The following VTI1A variants were observed in gnomAD, a reference collection of about 807,000 sequenced individuals.
The protein encoded by VTI1A is vesicle transport through interaction with t-SNAREs 1A.
VTI1A carries 22 observed loss-of-function variants against 34.9 expected under a neutral mutation model. That is an observed-to-expected ratio of 0.63 (90% CI 0.45 to 0.90). The LOEUF (loss-of-function observed/expected upper bound fraction) is 0.90, where lower values mean the gene tolerates loss of function less well. Ranked by LOEUF, VTI1A falls within the 40% of genes least tolerant of loss-of-function variation. The pLI, the probability that VTI1A is intolerant of heterozygous loss-of-function variation, is 0.00. For synonymous variants in VTI1A, 87 were observed against 97.3 expected (o/e 0.89, Z 0.62); for missense variants, 268 against 275.6 (o/e 0.97, Z 0.20).
rs1853492682 is a variant in VTI1A at position 112,815,510 on chromosome 10, T to G, written c.*127T>G. 5 of 755,456 alleles carry G rather than the reference T, an allele frequency of 6.6e-6. No individual in the cohort carries two copies. The highest frequency in any genetic ancestry group is 1.7e-5 in the African/African-American group (1 of 58,024). 46.8% of individuals were successfully genotyped at this position (755,456 alleles called of 1,614,324 possible). ...GACCCTCTCTCTCCCTCACCGCCGT[T>G]GGGCTGAAGTGCAAAGAGTGTAAAA... On this transcript the variant is annotated 3_prime_UTR_variant, in exon 8 of 8. Transcript: ENST00000393077.
chr10:112,788,696 T>A (rs1344744729), intron 7 of VTI1A, among the ~76,000 whole-genome samples: 4 of 152,344 alleles, frequency 2.6e-5, no homozygotes, highest in Admixed American at 1.3e-4. Flanking sequence ...AATTTATGTC[T>A]GCCATTTTGC....
chr10:112,536,870 G>A (rs1185740949), intron 4 of VTI1A, among the ~76,000 whole-genome samples: 1 of 151,828 alleles, frequency 6.6e-6, no homozygotes, highest in Non-Finnish European at 1.5e-5. Context: ...ATCACGTTGT[G>A]AATGGTAATG....
At chr10:112,479,831 A>C (rs1473597470) in intron 3 of VTI1A, among the ~76,000 whole-genome samples, 2 of 152,156 alleles carry the variant, frequency 1.3e-5, no homozygotes, top group African/African-American at 2.4e-5. Flanking sequence ...AACCTCAGCT[A>C]TCTGGACCTT....
chr10:112,808,242 C>T (rs541256389), intron 7 of VTI1A, among the ~76,000 whole-genome samples: 1 of 151,540 alleles, frequency 6.6e-6, no homozygotes, highest in African/African-American at 2.4e-5. Context: ...TAAAAAGGAC[C>T]CTATTTCCAA....
At chr10:112,466,046 A>G (rs1006323007) in intron 3 of VTI1A, among the ~76,000 whole-genome samples, 3 of 152,216 alleles carry the variant, frequency 2.0e-5, no homozygotes, top group African/African-American at 7.2e-5. Flanking sequence ...TTAAAAAATA[A>G]AAAGATACAG....
chr10:112,637,893 A>G (rs1846420249), intron 5 of VTI1A, among the ~76,000 whole-genome samples: 1 of 152,242 alleles, frequency 6.6e-6, no homozygotes, highest in Admixed American at 6.5e-5. Context: ...ATTGTCTTGT[A>G]TACAGTTGCT....
intron 5 of VTI1A, among the ~76,000 whole-genome samples, chr10:112,545,268 CTT>C (rs1231512341): frequency 6.6e-6 from 1 of 152,200 alleles, no homozygotes; most frequent in African/African-American, 2.4e-5. Context: ...CAAATGGAGA[CTT>C]ATTAATCTTT....
At chr10:112,502,134 C>A (rs1485638217) in intron 3 of VTI1A, among the ~76,000 whole-genome samples, 2 of 150,436 alleles carry the variant, frequency 1.3e-5, no homozygotes, top group African/African-American at 4.9e-5. Context: ...CTCAAGCAAT[C>A]CTCCCACCTC....
At chr10:112,688,309 A>C (rs1366736730) in intron 7 of VTI1A, among the ~76,000 whole-genome samples, 1 of 151,746 alleles carries the variant, frequency 6.6e-6, no homozygotes, top group Non-Finnish European at 1.5e-5. Context: ...GCAAAAGAAA[A>C]CTTTTTTTTA....
At chr10:112,674,863 G>A (rs1019086532) in intron 7 of VTI1A, among the ~76,000 whole-genome samples, 1 of 152,142 alleles carries the variant, frequency 6.6e-6, no homozygotes, top group Non-Finnish European at 1.5e-5. Context: ...TTGTGAATCA[G>A]AACCAGTTTT....
At chr10:112,585,524 G>A (rs572387000) in intron 5 of VTI1A, among the ~76,000 whole-genome samples, 14 of 152,244 alleles carry the variant, frequency 9.2e-5, no homozygotes, top group Admixed American at 8.5e-4. Context: ...TGCCAAGCTT[G>A]AATATTCTTA....
At chr10:112,617,418 G>T (rs1845547641) in intron 5 of VTI1A, among the ~76,000 whole-genome samples, 1 of 152,006 alleles carries the variant, frequency 6.6e-6, no homozygotes, top group Non-Finnish European at 1.5e-5. Flanking sequence ...ACTCCAGAAG[G>T]AAGATAGAAG....
intron 7 of VTI1A, among the ~76,000 whole-genome samples, chr10:112,732,680 A>G (rs1232790789): frequency 1.3e-5 from 2 of 152,080 alleles, no homozygotes; most frequent in Non-Finnish European, 2.9e-5. Flanking sequence ...GGCCTTTCAC[A>G]CTGTGTGTGG....
At position 112,559,963 on chromosome 10, in the gene VTI1A, A is replaced by G. The variant is rs140884874; in HGVS notation, c.427+21633A>G. 4.6e-4 allele frequency among the ~76,000 whole-genome samples: 70 copies of G among 152,314 alleles called. No homozygotes were observed. The East Asian group carries it at 0.012, about 26-fold the overall frequency. On this transcript the variant is annotated intron_variant, in intron 5 of 7. Transcript: ENST00000393077. Reference sequence around the variant, plus strand: ...CACACACGTGTGTGGGGATGTACCCATGGTTACCTAAAAACATGCATCCTG... The same window carrying G: ...CACACACGTGTGTGGGGATGTACCCGTGGTTACCTAAAAACATGCATCCTG...
At chr10:112,579,626 CA>C (rs1306360662) in intron 5 of VTI1A, among the ~76,000 whole-genome samples, 1 of 152,162 alleles carries the variant, frequency 6.6e-6, no homozygotes, top group Non-Finnish European at 1.5e-5. Context: ...AGTGTCAGTT[CA>C]TGTTCCACTT....
At chr10:112,644,233 C>A (rs902190974) in intron 5 of VTI1A, among the ~76,000 whole-genome samples, 1 of 152,040 alleles carries the variant, frequency 6.6e-6, no homozygotes, top group African/African-American at 2.4e-5. Context: ...GTGATAGTTT[C>A]CCCACACAGA....
intron 5 of VTI1A, among the ~76,000 whole-genome samples, chr10:112,601,040 AATC>A (rs1301223150): frequency 1.3e-5 from 2 of 152,184 alleles, no homozygotes; most frequent in Non-Finnish European, 2.9e-5. Context: ...TGACATCTGT[AATC>A]ATGTTGCAAG....
chr10:112,765,384 A>G (rs1165749711), intron 7 of VTI1A, among the ~76,000 whole-genome samples: 1 of 151,878 alleles, frequency 6.6e-6, no homozygotes, highest in Non-Finnish European at 1.5e-5. Flanking sequence ...TAATTTTTGT[A>G]TTTTTGGTAG....
chr10:112,535,316 T>G (rs1189665118), intron 4 of VTI1A, among the ~76,000 whole-genome samples: 1 of 152,194 alleles, frequency 6.6e-6, no homozygotes, highest in Non-Finnish European at 1.5e-5. Context: ...TAGATTACAG[T>G]GATGATGCTG....
Sources: gnomAD v4.1 joint callset for allele counts (sites outside exome capture counted in the v4.1 genomes callset) on GRCh38, gnomAD v4.1.1 for gene constraint, MANE v1.5 for transcripts, NCBI Gene and HGNC (gene_info 2026-07-23, HGNC 2026-07-21) for gene names.